Variants in AP4E1 observed in about 807,000 individuals in gnomAD.
AP4E1 encodes adaptor related protein complex 4 subunit epsilon 1.
AP4E1 carries 56 observed loss-of-function variants against 128.2 expected under a neutral mutation model. That is an observed-to-expected ratio of 0.44 (90% CI 0.35 to 0.55). The LOEUF (loss-of-function observed/expected upper bound fraction) is 0.55, where lower values mean the gene tolerates loss of function less well. AP4E1 is among the 20% of genes least tolerant of loss of function. AP4E1 has a pLI of 0.00. For synonymous variants in AP4E1, 484 were observed against 473.1 expected (o/e 1.02, Z -0.30); for missense variants, 1,324 against 1,307.7 (o/e 1.01, Z -0.19).
intron 16 of AP4E1, among the ~76,000 whole-genome samples, chr15:50,987,706 G>C (rs2064748051): frequency 1.3e-5 from 2 of 152,158 alleles, no homozygotes; most frequent in African/African-American, 4.8e-5. Flanking sequence ...TTGCTGAGGA[G>C]TGCTTTACTT....
chr15:50,942,791 T>C (rs1351434212), intron 10 of AP4E1, among the ~76,000 whole-genome samples: 1 of 151,574 alleles, frequency 6.6e-6, no homozygotes, highest in African/African-American at 2.4e-5. Context: ...TTTTAATTCT[T>C]ATGGAAGAAA....
At chr15:50,918,795 C>G (rs1190718009) in intron 3 of AP4E1, among the ~76,000 whole-genome samples, 1 of 152,080 alleles carries the variant, frequency 6.6e-6, no homozygotes, top group Non-Finnish European at 1.5e-5. Context: ...TATTCTATAC[C>G]TTGTTTTGAC....
rs1377611347 is a variant in AP4E1 at position 51,003,557 on chromosome 15, C to CT, written c.*897dup. 6.6e-6 allele frequency: 1 copy of CT among 152,460 alleles called. No individual in the cohort carries two copies. The highest frequency in any genetic ancestry group is 2.4e-5 in the African/African-American group (1 of 41,436). 9.4% of individuals were successfully genotyped at this position (152,460 alleles called of 1,614,324 possible). A position where few individuals can be genotyped will look rare whatever the true frequency, so the allele number is the denominator to read the frequency against. On this transcript the variant is annotated 3_prime_UTR_variant, in exon 21 of 21. Coordinates refer to ENST00000261842, the MANE Select transcript of AP4E1 (RefSeq NM_007347.5). ...TTCCTGGCCTTTGAATCCACTAGTA[C>CT]TTAATGGATATAGCTGAAGCAGAGA...
In AP4E1 at chr15:51,005,801, AAT is replaced by A. The variant is rs1346463691; in HGVS notation, c.*3141_*3142del. On this transcript the variant is annotated 3_prime_UTR_variant, in exon 21 of 21. Transcript: ENST00000261842. ...ATTTTAGGAGAGAAAAATACAAGTG[AAT>A]AATTATTTAATAGGCATTTATTACT... The A allele has an allele frequency of 1.3e-5, 2 of 152,656 alleles. No individual in the cohort carries two copies. The highest frequency in any genetic ancestry group is 3.8e-4 in the East Asian group (2 of 5,202). 9.5% of individuals were successfully genotyped at this position (152,656 alleles called of 1,614,324 possible).
chr15:50,975,790 T>C (rs2064542338), intron 15 of AP4E1, among the ~76,000 whole-genome samples: 1 of 152,176 alleles, frequency 6.6e-6, no homozygotes, highest in Admixed American at 6.5e-5. Flanking sequence ...TGGTTCTTCA[T>C]TGGTGAATTC....
At chr15:50,972,562 A>T (rs1422019784) in intron 15 of AP4E1, among the ~76,000 whole-genome samples, 1 of 152,166 alleles carries the variant, frequency 6.6e-6, no homozygotes, top group Non-Finnish European at 1.5e-5. Flanking sequence ...TGAGTTTCTC[A>T]GTGGCCCAGG....
In AP4E1 at chr15:50,941,723, A is replaced by C. The variant is rs759285617; in HGVS notation, c.1124A>C (p.Gln375Pro). The change falls in exon 10 of 21, where the codon CAG (glutamine) becomes CCG (proline). Residue 375 changes from glutamine (Q) to proline (P), a missense_variant. By Grantham distance (76) the Gln-to-Pro change is moderately conservative. Transcript: ENST00000261842. ...GATCCTACTCTGGCTCTTCAACACC[A>C]GATGACAATAATTGAATGTTTAGAT... ...QQDPTLALQH[Q>P]MTIIECLDHP... 7 of 1,613,602 alleles carry C rather than the reference A, an allele frequency of 4.3e-6. No individual in the cohort carries two copies. The highest frequency in any genetic ancestry group is 5.9e-6 in the Non-Finnish European group (7 of 1,179,602).
rs758089663 is a variant in AP4E1, at chr15:50,915,580, G to C, written c.346+9G>C. ...CTTAGAAAAAAGAGTAGGTATGTAT[G>C]TGTTTTAAGACTTTGATGCTTTCAT... On this transcript the variant is annotated intron_variant, in intron 3 of 20. Transcript: ENST00000261842. 1 of 1,613,398 alleles carries C rather than the reference G, an allele frequency of 6.2e-7. No individual in the cohort carries two copies. Among genetic ancestry groups the C allele is most frequent in the Non-Finnish European group, 8.5e-7 (1 of 1,179,640 alleles).
At position 50,993,361 on chromosome 15, in the gene AP4E1, C is replaced by A. The variant is rs369000416; in HGVS notation, c.2091-9C>A. 4.6e-5 allele frequency: 74 copies of A among 1,613,506 alleles called. No homozygotes were observed. The highest frequency in any genetic ancestry group is 1.6e-4 in the Middle Eastern group (1 of 6,082). On this transcript the variant is annotated splice_polypyrimidine_tract_variant and intron_variant, in intron 16 of 20. Coordinates refer to ENST00000261842, the MANE Select transcript of AP4E1 (RefSeq NM_007347.5). ...TAAGTTGACTTGATTTTATTATCAA[C>A]CTCCTTAGGACAAATAGCTTGAAGC...
chr15:50,923,466 G>T (rs1207908745), intron 3 of AP4E1, among the ~76,000 whole-genome samples: 1 of 152,106 alleles, frequency 6.6e-6, no homozygotes, highest in African/African-American at 2.4e-5. Flanking sequence ...TACATCATGT[G>T]CGTTGACATT....
intron 16 of AP4E1, 142 bp from the exon 17 acceptor site, chr15:50,993,228 G>T: frequency 1.2e-6 from 1 of 839,780 alleles, no homozygotes; most frequent in South Asian, 1.7e-5. Context: ...AGAGATCAAG[G>T]TTTTACTTCT....
At chr15:50,978,039 G>A (rs2064582966) in intron 15 of AP4E1, among the ~76,000 whole-genome samples, 1 of 152,060 alleles carries the variant, frequency 6.6e-6, no homozygotes, top group Non-Finnish European at 1.5e-5. Context: ...TCAGATTTCT[G>A]TAATCATTTG....
At chr15:50,988,593 G>A (rs918109628) in intron 16 of AP4E1, among the ~76,000 whole-genome samples, 3 of 152,250 alleles carry the variant, frequency 2.0e-5, no homozygotes, top group East Asian at 1.9e-4. Flanking sequence ...GGGATTACAA[G>A]TATGAGCCAC....
At chr15:50,958,056 A>G (rs2140877022) in intron 13 of AP4E1, among the ~76,000 whole-genome samples, 1 of 152,302 alleles carries the variant, frequency 6.6e-6, no homozygotes, top group East Asian at 1.9e-4. Context: ...CTCGGGGACC[A>G]CAGACATACT....
intron 10 of AP4E1, among the ~76,000 whole-genome samples, chr15:50,947,792 G>T (rs1034812257): frequency 6.6e-6 from 1 of 152,154 alleles, no homozygotes; most frequent in Non-Finnish European, 1.5e-5. Flanking sequence ...GATTATCTCA[G>T]TAGGAAGCTT....
chr15:50,968,376 A>C lies in AP4E1; in HGVS notation c.1965A>C (p.Lys655Asn). 1 of 1,609,180 alleles carries C rather than the reference A, an allele frequency of 6.2e-7. No homozygotes were observed. The highest frequency in any genetic ancestry group is 8.5e-7 in the Non-Finnish European group (1 of 1,176,450). The change falls in exon 15 of 21, where the codon AAA becomes AAC. Residue 655 changes from lysine (K) to asparagine (N), a missense_variant and splice_region_variant. Coordinates refer to ENST00000261842, the MANE Select transcript of AP4E1 (RefSeq NM_007347.5). Reference sequence around the variant, plus strand: ...AGGAGGAAAAGCTTTCTCAGGAAAAAGGTAATTTTTCATGGATTTATGATA... The same window carrying C: ...AGGAGGAAAAGCTTTCTCAGGAAAACGGTAATTTTTCATGGATTTATGATA... ...QRQEEKLSQEKVLNFEPYGLS... is the reference protein window; with the variant it reads ...QRQEEKLSQENVLNFEPYGLS...
chr15:50,970,310 A>G (rs1386477146), intron 15 of AP4E1, among the ~76,000 whole-genome samples: 2 of 152,356 alleles, frequency 1.3e-5, no homozygotes, highest in East Asian at 3.9e-4. Context: ...CACTTTGTAT[A>G]TAATACCACA....
intron 19 of AP4E1, among the ~76,000 whole-genome samples, chr15:51,000,770 T>C (rs2064951706): frequency 6.6e-6 from 1 of 152,214 alleles, no homozygotes; most frequent in Non-Finnish European, 1.5e-5. Context: ...CTTACTGGAA[T>C]GACTAGTAGA....
chr15:50,912,226 G>A, intron 2 of AP4E1, 77 bp downstream of exon 2: 1 of 1,266,198 alleles, frequency 7.9e-7, no homozygotes, highest in Admixed American at 1.7e-5. Flanking sequence ...GCATCTAACT[G>A]ATGATCGGTT....
Sources: gnomAD v4.1 joint callset for allele counts (sites outside exome capture counted in the v4.1 genomes callset) on GRCh38, gnomAD v4.1.1 for gene constraint, MANE v1.5 for transcripts, NCBI Gene and HGNC (gene_info 2026-07-23, HGNC 2026-07-21) for gene names.